ANKDD1A: variants seen among roughly 807,000 people sequenced by gnomAD.
The protein encoded by ANKDD1A is ankyrin repeat and death domain containing 1A.
ANKDD1A carries 59 observed loss-of-function variants against 63.5 expected under a neutral mutation model. That is an observed-to-expected ratio of 0.93 (90% CI 0.75 to 1.15). The LOEUF (loss-of-function observed/expected upper bound fraction) is 1.15. ANKDD1A is among the 50% of genes most tolerant of loss of function. ANKDD1A has a pLI of 0.00. For synonymous variants in ANKDD1A, 266 were observed against 263.9 expected, an observed-to-expected ratio of 1.01 and a Z score of -0.08; for missense variants, 632 against 656.4, an observed-to-expected ratio of 0.96 and a Z score of 0.41.
Position 64,930,929 on chromosome 15 carries a change from C to G in ANKDD1A, c.669+9C>G, listed in dbSNP as rs751725799. 4.4e-6 allele frequency: 7 copies of G among 1,609,182 alleles called. No homozygotes were observed. Among genetic ancestry groups the G allele is most frequent in the Non-Finnish European group, 5.1e-6 (6 of 1,179,776 alleles). The stretch of plus-strand genomic sequence containing the variant: ...TGGAGGAGCAGAATGCGGTGAGTCA[C>G]CGCCTGGGGATGGCGAGATGCATGA... On this transcript the variant is annotated intron_variant, in intron 7 of 14. Coordinates refer to ENST00000319580, the MANE Select transcript of ANKDD1A (RefSeq NM_182703.6).
intron 14 of ANKDD1A, among the ~76,000 whole-genome samples, chr15:64,953,735 CTTCT>C (rs1595860515): frequency 6.9e-5 from 2 of 29,012 alleles, no homozygotes; most frequent in East Asian, 0.014. Flanking sequence ...TCTTCTCCTC[CTTCT>C]TCTTTCCTCT....
At chr15:64,925,927 G>C in intron 4 of ANKDD1A, 139 bp from the exon 5 acceptor site, 2 of 727,456 alleles carry the variant, frequency 2.7e-6, no homozygotes, top group Non-Finnish European at 4.4e-6. Context: ...TATCCCTCGG[G>C]TCCATTCATC....
chr15:64,949,696 C>A, intron 13 of ANKDD1A, 145 bp from the exon 14 acceptor site: 1 of 1,226,728 alleles, frequency 8.2e-7, no homozygotes, highest in South Asian at 1.5e-5. Flanking sequence ...TTGGCTGGAG[C>A]ATGGAGAAGG....
intron 9 of ANKDD1A, among the ~76,000 whole-genome samples, chr15:64,940,886 G>C (rs1465959096): frequency 6.6e-6 from 1 of 152,114 alleles, no homozygotes; most frequent in African/African-American, 2.4e-5. Context: ...CTACAGGTGT[G>C]CACCACTATG....
At chr15:64,937,737 TAAATAA>T (rs759087412) in intron 9 of ANKDD1A, among the ~76,000 whole-genome samples, 59 of 151,590 alleles carry the variant, frequency 3.9e-4, no homozygotes, top group Non-Finnish European at 6.5e-4. Context: ...AAAAAATAAA[TAAATAA>T]AAATAAAAAT....
intron 14 of ANKDD1A, among the ~76,000 whole-genome samples, chr15:64,954,497 CT>C (rs1393177120): frequency 7.2e-6 from 1 of 138,654 alleles, no homozygotes; most frequent in African/African-American, 2.6e-5. Context: ...CCTTCTCCTT[CT>C]TCTTCCTTCT....
chr15:64,949,999 T>A, intron 14 of ANKDD1A, 27 bp downstream of exon 14: 1 of 1,601,878 alleles, frequency 6.2e-7, no homozygotes, highest in Non-Finnish European at 8.5e-7. Flanking sequence ...CTGGGCTGCT[T>A]CTCAGGAGCT....
chr15:64,949,818 C>G (rs1321796645), intron 13 of ANKDD1A, 23 bp from the exon 14 acceptor site: 9 of 1,597,450 alleles, frequency 5.6e-6, no homozygotes, highest in Non-Finnish European at 7.6e-6. Flanking sequence ...CTCCCTCTCT[C>G]TCTCCTCCCT....
At chr15:64,951,203 G>A in intron 14 of ANKDD1A, 1 of 1,006,668 alleles carries the variant, frequency 9.9e-7, no homozygotes, top group Non-Finnish European at 1.2e-6. Flanking sequence ...TCATGAGGAT[G>A]GGTCCAAGGG....
chr15:64,950,980 G>C (rs557439016), intron 14 of ANKDD1A: 1 of 1,272,738 alleles, frequency 7.9e-7, no homozygotes, highest in South Asian at 1.3e-5. Context: ...AGCAAACGCA[G>C]CCCCGAGTGC....
chr15:64,913,286 T>C (rs1595844526), intron 1 of ANKDD1A, among the ~76,000 whole-genome samples: 1 of 152,218 alleles, frequency 6.6e-6, no homozygotes, highest in Admixed American at 6.5e-5. Flanking sequence ...CCCAGGATCC[T>C]GCTGCTGGAA....
chr15:64,936,430 G>A (rs2085132882), intron 9 of ANKDD1A, among the ~76,000 whole-genome samples: 1 of 152,046 alleles, frequency 6.6e-6, no homozygotes, highest in South Asian at 2.1e-4. Context: ...AGCTGTTTTT[G>A]CTGCCTATTT....
At chr15:64,914,742 G>A (rs950091198) in intron 1 of ANKDD1A, among the ~76,000 whole-genome samples, 11 of 152,338 alleles carry the variant, frequency 7.2e-5, no homozygotes, top group Middle Eastern at 3.4e-3. Context: ...ATCAAGAGCC[G>A]TCAGGATGAT....
Position 64,921,992 on chromosome 15 carries a change from A to AG in ANKDD1A, c.343dup (p.Ala115GlyfsTer6). 1 of 1,614,106 alleles carries AG rather than the reference A, an allele frequency of 6.2e-7. No homozygotes were observed. Among genetic ancestry groups the AG allele is most frequent in the South Asian group, 1.1e-5 (1 of 91,078 alleles). On this transcript the variant is annotated frameshift_variant, in exon 4 of 15. Coordinates refer to ENST00000319580, the MANE Select transcript of ANKDD1A (RefSeq NM_182703.6). LOFTEE classifies it high-confidence loss of function. The stretch of plus-strand genomic sequence containing the variant: ...GAATCCTCCAGATCTTGGTAAACTC[A>AG]GGGGCCAAGATCCACTGTGAGAGCA...
Position 64,939,538 on chromosome 15 carries a change from C to T in ANKDD1A, c.868-2929C>T, listed in dbSNP as rs558712330. On this transcript the variant is annotated intron_variant, in intron 9 of 14. Transcript: ENST00000319580. ...GCTGAGGCAGGAAGATCATATGAGC[C>T]CAAGGGTTTGAAGCTGCAGTCAACT... is the stretch of plus-strand genomic sequence containing the variant. Among the ~76,000 whole-genome samples, 16 of 152,234 alleles carry T rather than the reference C, an allele frequency of 1.1e-4. No individual in the cohort carries two copies. In the South Asian group the frequency reaches 3.1e-3, roughly 30 times the overall value.
chr15:64,934,500 C>CT (rs546780732), intron 9 of ANKDD1A, among the ~76,000 whole-genome samples: 2,954 of 125,586 alleles, frequency 0.024, 92 homozygotes, highest in African/African-American at 0.059. Context: ...TTTTTCTTTT[C>CT]TTTTTTTTTT....
At chr15:64,954,930 CCTTCTTCTTGTCT>C (rs1368492154) in intron 14 of ANKDD1A, among the ~76,000 whole-genome samples, 2 of 147,936 alleles carry the variant, frequency 1.4e-5, no homozygotes, top group Non-Finnish European at 3.0e-5. Flanking sequence ...TCCTTCTTCT[CCTTCTTCTTGTCT>C]CTTCTTCTCT....
chr15:64,951,579 C>CCTA, intron 14 of ANKDD1A: 1 of 8,282 alleles, frequency 1.2e-4, no homozygotes, highest in Non-Finnish European at 3.3e-4. Context: ...CTTTCTTCTT[C>CCTA]TTCTTCCTTT....
At chr15:64,937,218 A>G (rs2085140999) in intron 9 of ANKDD1A, among the ~76,000 whole-genome samples, 1 of 152,210 alleles carries the variant, frequency 6.6e-6, no homozygotes, top group African/African-American at 2.4e-5. Context: ...TAATTTACCA[A>G]TATGTATAAA....
Sources: gnomAD v4.1 joint callset for allele counts (sites outside exome capture counted in the v4.1 genomes callset) on GRCh38, gnomAD v4.1.1 for gene constraint, MANE v1.5 for transcripts, NCBI Gene and HGNC (gene_info 2026-07-23, HGNC 2026-07-21) for gene names.